Variants in TMEM9B observed in about 807,000 individuals in gnomAD.
The protein encoded by TMEM9B is transmembrane protein 9B.
TMEM9B carries 8 observed loss-of-function variants against 23.5 expected under a neutral mutation model. The observed-to-expected ratio is 0.34, with a 90% CI of 0.20 to 0.61. TMEM9B has a LOEUF of 0.61. TMEM9B is among the 20% of genes least tolerant of loss of function. TMEM9B has a pLI of 0.78. For synonymous variants in TMEM9B, 106 were observed against 96.3 expected, an observed-to-expected ratio of 1.10 and a Z score of -0.59; for missense variants, 197 against 252.3, an observed-to-expected ratio of 0.78 and a Z score of 1.49.
At chr11:8,950,040 T>A (rs924598421) in intron 4 of TMEM9B, among the ~76,000 whole-genome samples, 1 of 151,844 alleles carries the variant, frequency 6.6e-6, no homozygotes, top group African/African-American at 2.4e-5. Flanking sequence ...CTGGGACCTA[T>A]AGCCTATTTT....
intron 4 of TMEM9B, among the ~76,000 whole-genome samples, chr11:8,948,898 G>T (rs1853825609): frequency 6.6e-6 from 1 of 152,188 alleles, no homozygotes; most frequent in Admixed American, 6.5e-5. Context: ...ATACTATAAA[G>T]CTAATCTGTG....
chr11:8,949,838 T>C (rs1262154582), intron 4 of TMEM9B, among the ~76,000 whole-genome samples: 1 of 152,122 alleles, frequency 6.6e-6, no homozygotes, highest in African/African-American at 2.4e-5. Context: ...GGATTTTTTT[T>C]TTTTAAAGAG....
chr11:8,964,422 C>A lies in TMEM9B; in HGVS notation c.-109G>T. ...ACAGGCTTGGGACCCGGCTGGGGAT[C>A]CTCCGCCCGCACTTCCGTCTGGACG... On this transcript the variant is annotated 5_prime_UTR_variant, in exon 1 of 5. Coordinates refer to ENST00000534025, the MANE Select transcript of TMEM9B (RefSeq NM_020644.3). 1 of 1,436,458 alleles carries A rather than the reference C, an allele frequency of 7.0e-7. No individual in the cohort carries two copies. Among genetic ancestry groups the A allele is most frequent in the South Asian group, 1.5e-5 (1 of 67,880 alleles). 89.0% of individuals were successfully genotyped at this position (1,436,458 alleles called of 1,614,324 possible). A position where few individuals can be genotyped will look rare whatever the true frequency, so the allele number is the denominator to read the frequency against.
intron 1 of TMEM9B, among the ~76,000 whole-genome samples, chr11:8,963,320 A>C (rs1413425525): frequency 6.6e-6 from 1 of 152,228 alleles, no homozygotes; most frequent in Non-Finnish European, 1.5e-5. Context: ...GATATTATAA[A>C]TTAAAGCTCT....
At chr11:8,964,641 G>A, upstream of TMEM9B, 1 of 366,528 alleles carries the variant, frequency 2.7e-6, no homozygotes, top group Non-Finnish European at 4.5e-6. Context: ...TATCTTTCCC[G>A]GGCGCAGAAG....
chr11:8,948,430 G>C lies in TMEM9B; in HGVS notation c.487C>G (p.Arg163Gly). ...ANAHDVLARS[R>G]SRANVLNKVE... ...TTGTTCAGCACGTTGGCTCGACTGC[G>C]GGAGCGGGCTAGCACATCGTGTGCA... is the stretch of plus-strand genomic sequence containing the variant. Residue 163 changes from arginine to glycine, a missense_variant, in exon 5 of 5, where the codon CGC (arginine) becomes GGC (glycine). Arg to Gly is a moderately radical substitution (Grantham distance 125). This residue lies in a region of TMEM9B where 141 missense variants were observed against 214.1 expected (regional missense o/e 0.66). Transcript: ENST00000534025. 6.2e-7 allele frequency: 1 copy of C among 1,614,200 alleles called. No individual in the cohort carries two copies. The highest frequency in any genetic ancestry group is 8.5e-7 in the Non-Finnish European group (1 of 1,180,032).
At chr11:8,954,402 C>A (rs1348675821) in intron 3 of TMEM9B, among the ~76,000 whole-genome samples, 3 of 152,024 alleles carry the variant, frequency 2.0e-5, no homozygotes, top group Non-Finnish European at 4.4e-5. Context: ...GATTCTCATG[C>A]CGTAGCCTCC....
chr11:8,953,988 T>A (rs1853928518), intron 3 of TMEM9B, among the ~76,000 whole-genome samples: 1 of 152,222 alleles, frequency 6.6e-6, no homozygotes, highest in Admixed American at 6.5e-5. Flanking sequence ...GTATTATTCA[T>A]AATAGTAAAA....
At chr11:8,948,502 A>G in intron 4 of TMEM9B, 27 bp from the exon 5 acceptor site, 2 of 1,610,012 alleles carry the variant, frequency 1.2e-6, no homozygotes, top group Non-Finnish European at 1.7e-6. Context: ...GGAGAACATT[A>G]GAGATGGCAC....
At chr11:8,954,112 A>T (rs948860022) in intron 3 of TMEM9B, among the ~76,000 whole-genome samples, 31 of 152,240 alleles carry the variant, frequency 2.0e-4, no homozygotes, top group African/African-American at 7.0e-4. Flanking sequence ...TTGCATAAAC[A>T]TCAAAAACAT....
intron 1 of TMEM9B, 74 bp downstream of exon 1, chr11:8,964,135 T>G (rs1032536653): frequency 1.4e-6 from 2 of 1,446,636 alleles, no homozygotes; most frequent in African/African-American, 2.8e-5. Flanking sequence ...AGGAGCAGGT[T>G]GGCAGACCCA....
Position 8,957,973 on chromosome 11 carries a change from A to G in TMEM9B, c.198-1675T>C, listed in dbSNP as rs1278181215. The stretch of plus-strand genomic sequence containing the variant: ...GGAGTTCGAGACCAGCCTGACCAAC[A>G]TGGAGAAACCCCGTCTCTACTAAAA... On this transcript the variant is annotated intron_variant, in intron 2 of 4. Coordinates refer to ENST00000534025, the MANE Select transcript of TMEM9B (RefSeq NM_020644.3). This position sits in a 1 kb window ranked among gnomAD's most constrained non-coding sequence, Gnocchi z 4.3. 6.6e-6 allele frequency among the ~76,000 whole-genome samples: 1 copy of G among 151,322 alleles called. No individual in the cohort carries two copies. The highest frequency in any genetic ancestry group is 1.5e-5 in the Non-Finnish European group (1 of 67,890).
chr11:8,952,249 T>TATAA (rs1555228002), intron 4 of TMEM9B, among the ~76,000 whole-genome samples: 1 of 122,648 alleles, frequency 8.2e-6, no homozygotes, highest in Non-Finnish European at 1.8e-5. Context: ...GCCAACTATA[T>TATAA]ACACACACAC....
chr11:8,964,176 C>T, intron 1 of TMEM9B, 33 bp downstream of exon 1: 1 of 1,548,398 alleles, frequency 6.5e-7, no homozygotes, highest in Non-Finnish European at 8.7e-7. Context: ...AGGGGAGGAG[C>T]TTCCGTCAGG....
chr11:8,964,493 C>T, upstream of TMEM9B: 1 of 1,414,262 alleles, frequency 7.1e-7, no homozygotes, highest in South Asian at 1.5e-5. Flanking sequence ...AAAGCATCCG[C>T]CCCGGAACCG....
At chr11:8,951,757 C>CAAA (rs747141702) in intron 4 of TMEM9B, among the ~76,000 whole-genome samples, 1,095 of 91,378 alleles carry the variant, frequency 0.012, 15 homozygotes, top group African/African-American at 0.041. Flanking sequence ...GACTGCGTCT[C>CAAA]AAAAAAAAAA....
At chr11:8,952,716 A>AT (rs35347149) in intron 4 of TMEM9B, 172 of 189,480 alleles carry the variant, frequency 9.1e-4, no homozygotes, top group East Asian at 8.5e-3. Flanking sequence ...TGGCCCACAG[A>AT]TTTTTTTTTA....
rs1291350104 is a variant in TMEM9B, at chr11:8,947,804, T to C, written c.*516A>G. The stretch of plus-strand genomic sequence containing the variant: ...TCAAATGAGTAAGTCAGCTCTTTGA[T>C]GAGGCTGGCTACACTGCAAAATATA... On this transcript the variant is annotated 3_prime_UTR_variant, in exon 5 of 5. Coordinates refer to ENST00000534025, the MANE Select transcript of TMEM9B (RefSeq NM_020644.3). 1 of 153,486 alleles carries C rather than the reference T, an allele frequency of 6.5e-6. No homozygotes were observed. Among genetic ancestry groups the C allele is most frequent in the Non-Finnish European group, 1.5e-5 (1 of 68,636 alleles). The allele number at this position is 153,486 out of a possible 1,614,324, so 9.5% of individuals were successfully genotyped here. A position where few individuals can be genotyped will look rare whatever the true frequency, so the allele number is the denominator to read the frequency against.
intron 4 of TMEM9B, chr11:8,952,829 C>G: frequency 2.3e-6 from 1 of 428,768 alleles, no homozygotes; most frequent in Non-Finnish European, 4.1e-6. Flanking sequence ...ATGAAAACCT[C>G]TCTGCCTTCT....
Sources: gnomAD v4.1 joint callset for allele counts (sites outside exome capture counted in the v4.1 genomes callset) on GRCh38, gnomAD v4.1.1 for gene constraint, gnomAD v4.1.1 regional missense constraint, Gnocchi (gnomAD v3.1) non-coding constraint, MANE v1.5 for transcripts, NCBI Gene and HGNC (gene_info 2026-07-23, HGNC 2026-07-21) for gene names.